The following TNN variants were observed in gnomAD, a reference collection of about 807,000 sequenced individuals.
TNN encodes the protein tenascin-N.
A neutral mutation model predicts 134.4 loss-of-function variants in TNN; 122 were observed. The observed-to-expected ratio is 0.91, with a 90% CI of 0.78 to 1.06. The LOEUF is 1.06. Ranked by LOEUF, TNN falls within the 50% of genes least tolerant of loss-of-function variation. The probability of loss-of-function intolerance (pLI) is 0.00; values close to 1 mark genes in which losing one functional copy is unlikely to be tolerated. For synonymous variants in TNN, 710 were observed against 670.3 expected (o/e 1.06, Z -0.91); for missense variants, 1,739 against 1,699.4 (o/e 1.02, Z -0.41).
At chr1:175,131,515 C>T (rs1383420131) in intron 15 of TNN, among the ~76,000 whole-genome samples, 1 of 152,096 alleles carries the variant, frequency 6.6e-6, no homozygotes, top group Non-Finnish European at 1.5e-5. Context: ...GTGTTTTCAT[C>T]TCATAGAATG....
chr1:175,080,938 TCCTG>T (rs887463937), intron 4 of TNN, among the ~76,000 whole-genome samples: 1 of 152,310 alleles, frequency 6.6e-6, no homozygotes, highest in Admixed American at 6.5e-5. Flanking sequence ...AAGGATACTC[TCCTG>T]CCTGAAGGGG....
At chr1:175,140,636 G>A (rs918552225) in intron 17 of TNN, among the ~76,000 whole-genome samples, 1 of 152,224 alleles carries the variant, frequency 6.6e-6, no homozygotes, top group African/African-American at 2.4e-5. Context: ...ACTGCAATGA[G>A]GGGATAATTC....
At chr1:175,075,455 C>T (rs1674018458) in intron 1 of TNN, among the ~76,000 whole-genome samples, 3 of 152,108 alleles carry the variant, frequency 2.0e-5, no homozygotes, top group Admixed American at 2.0e-4. Flanking sequence ...CACCGCCACA[C>T]CTGGCTAATT....
chr1:175,073,043 A>G (rs1042579542), intron 1 of TNN, among the ~76,000 whole-genome samples: 1 of 149,376 alleles, frequency 6.7e-6, no homozygotes, highest in African/African-American at 2.5e-5. Flanking sequence ...CGGGCAGAGA[A>G]GTCTGCTTTT....
At chr1:175,068,323 C>CT (rs985032998) in intron 1 of TNN, among the ~76,000 whole-genome samples, 11 of 151,734 alleles carry the variant, frequency 7.2e-5, no homozygotes, top group Middle Eastern at 3.4e-3. Context: ...CTCTCTCTGT[C>CT]TTTTTTTGGA....
intron 15 of TNN, among the ~76,000 whole-genome samples, chr1:175,131,098 C>G (rs1302425357): frequency 1.3e-5 from 2 of 152,172 alleles, no homozygotes; most frequent in South Asian, 2.1e-4. Context: ...GTCTGTTTCT[C>G]TGTTTTATTG....
intron 12 of TNN, among the ~76,000 whole-genome samples, chr1:175,126,213 T>C (rs1436594279): frequency 6.6e-6 from 1 of 151,422 alleles, no homozygotes; most frequent in Non-Finnish European, 1.5e-5. Flanking sequence ...GCAATTCTCC[T>C]GCCTCAGCCT....
intron 1 of TNN, among the ~76,000 whole-genome samples, chr1:175,075,390 C>T (rs937427595): frequency 3.9e-5 from 6 of 152,130 alleles, no homozygotes; most frequent in Non-Finnish European, 5.9e-5. Flanking sequence ...CTCCGCCTCC[C>T]GGGTTCCAGC....
rs191541115 is a variant in TNN at position 175,101,304 on chromosome 1, G to A, written c.2119+2709G>A. Among the ~76,000 whole-genome samples the A allele has an allele frequency of 6.7e-3, 1,022 of 152,106 alleles. 6 individuals carry two copies. Among genetic ancestry groups the A allele is most frequent in the African/African-American group, 0.021 (891 of 41,472 alleles). On this transcript the variant is annotated intron_variant, in intron 9 of 18. Transcript: ENST00000239462. The stretch of plus-strand genomic sequence containing the variant: ...TGAGTGTTACAGCTCTTAAGGCAGC[G>A]CGTCTGGAGTTGTTGGTTCCTCCCG...
chr1:175,090,007 G>A (rs973473560), intron 6 of TNN, among the ~76,000 whole-genome samples: 1 of 152,294 alleles, frequency 6.6e-6, no homozygotes, highest in African/African-American at 2.4e-5. Flanking sequence ...CTGGACAACA[G>A]CAACAATCTC....
chr1:175,134,883 G>T (rs1177193021), intron 15 of TNN, among the ~76,000 whole-genome samples: 3 of 152,168 alleles, frequency 2.0e-5, no homozygotes, highest in Non-Finnish European at 4.4e-5. Context: ...CTACAAGCTA[G>T]AGACGAATCT....
At chr1:175,083,498 A>C (rs1038860406) in intron 4 of TNN, among the ~76,000 whole-genome samples, 5 of 152,198 alleles carry the variant, frequency 3.3e-5, no homozygotes, top group African/African-American at 1.2e-4. Flanking sequence ...AGGGAAGACC[A>C]CATGGCCTCT....
At position 175,128,041 on chromosome 1, in the gene TNN, C is replaced by G. The variant is rs1675574645; in HGVS notation, c.3055C>G (p.Leu1019Val). The part of the protein sequence containing the change: ...FPDGTVKEMQ[L>V]GREDQRFALQ... ...CTCCCTTGTTTGGTAGGAGATGCAG[C>G]TGGGACGGGAAGACCAGAGGTTTGC... Residue 1019 changes from leucine (L) to valine (V), a missense_variant, in exon 14 of 19, where the codon CTG becomes GTG. Physicochemically the swap from Leu to Val is conservative, Grantham distance 32. Transcript: ENST00000239462. The G allele has an allele frequency of 6.2e-7, 1 of 1,614,076 alleles. No individual in the cohort carries two copies. The highest frequency in any genetic ancestry group is 8.5e-7 in the Non-Finnish European group (1 of 1,180,028).
rs539517279 is a variant in TNN at position 175,072,917 on chromosome 1, A to G, written c.-35-4467A>G. On this transcript the variant is annotated intron_variant, in intron 1 of 18. Coordinates refer to ENST00000239462, the MANE Select transcript of TNN (RefSeq NM_022093.2). ...CAGCCTTACTGTGGTTGATGGCAAGAGTCCACGGCTTTTTTTTTTTTTTTT... is the reference window on the plus strand; with the variant it reads ...CAGCCTTACTGTGGTTGATGGCAAGGGTCCACGGCTTTTTTTTTTTTTTTT... 1.4e-3 allele frequency among the ~76,000 whole-genome samples: 192 copies of G among 132,950 alleles called. 2 individuals carry two copies. The South Asian group carries it at 0.021, about 14-fold the overall frequency. 87.2% of individuals were successfully genotyped at this position (132,950 alleles called of 152,430 possible). A position where few individuals can be genotyped will look rare whatever the true frequency, so the allele number is the denominator to read the frequency against.
chr1:175,141,816 C>T lies in TNN; in HGVS notation c.3596-2571C>T, dbSNP rs75833503. Among the ~76,000 whole-genome samples the T allele has an allele frequency of 6.9e-3, 1,058 of 152,290 alleles. 20 individuals carry two copies. The highest frequency in any genetic ancestry group is 0.024 in the African/African-American group (1,010 of 41,544). The stretch of plus-strand genomic sequence containing the variant: ...CCTTTCATGGGCCTGCCATGAACCC[C>T]TCCAGTCCTCATTCTCACTCTCTAC... On this transcript the variant is annotated intron_variant, in intron 17 of 18. Transcript: ENST00000239462.
intron 2 of TNN, 81 bp downstream of exon 2, chr1:175,077,908 G>A (rs1202574200): frequency 7.1e-7 from 1 of 1,414,482 alleles, no homozygotes; most frequent in East Asian, 2.4e-5. Flanking sequence ...AGCCTCATGA[G>A]CACTTTGTGA....
intron 12 of TNN, among the ~76,000 whole-genome samples, chr1:175,125,680 TC>T (rs1194421479): frequency 1.1e-5 from 1 of 93,880 alleles, no homozygotes; most frequent in East Asian, 2.8e-4. Flanking sequence ...CCTCCCTCCC[TC>T]CTTTCTTTCT....
chr1:175,129,331 G>C (rs575840376), intron 15 of TNN, among the ~76,000 whole-genome samples: 46 of 152,046 alleles, frequency 3.0e-4, no homozygotes, highest in African/African-American at 1.1e-3. Flanking sequence ...TAAACATCTG[G>C]AGGCTAGGAA....
rs769814664 is a variant in TNN at position 175,080,427 on chromosome 1, G to T, written c.1048+1G>T. 6.2e-7 allele frequency: 1 copy of T among 1,613,546 alleles called. No individual in the cohort carries two copies. The highest frequency in any genetic ancestry group is 2.2e-5 in the East Asian group (1 of 44,868). ...CCACAGCATCTACTTGCCACCACAG[G>T]TGAGGAAGCCACCTGATGCCCCAGG... On this transcript the variant is annotated splice_donor_variant, in intron 4 of 18. Coordinates refer to ENST00000239462, the MANE Select transcript of TNN (RefSeq NM_022093.2). LOFTEE classifies it high-confidence loss of function.
Sources: gnomAD v4.1 joint callset for allele counts (sites outside exome capture counted in the v4.1 genomes callset) on GRCh38, gnomAD v4.1.1 for gene constraint, MANE v1.5 for transcripts, NCBI Gene and HGNC (gene_info 2026-07-23, HGNC 2026-07-21) for gene names.